Variants in CD226 observed in about 807,000 individuals in gnomAD.
CD226 encodes CD226 molecule, also known as CD226 antigen.
CD226 carries 24 observed loss-of-function variants against 34.9 expected under a neutral mutation model. The ratio of observed to expected loss-of-function variants is 0.69; its 90% CI spans 0.50 to 0.97. The LOEUF (loss-of-function observed/expected upper bound fraction) is 0.97, where lower values mean the gene tolerates loss of function less well. CD226 is among the 50% of genes least tolerant of loss of function. CD226 has a pLI of 0.00. For synonymous variants in CD226, 148 were observed against 147.4 expected (o/e 1.00, Z -0.03); for missense variants, 397 against 412.7 (o/e 0.96, Z 0.33).
chr18:69,900,680 C>A (rs1209003003), intron 2 of CD226, among the ~76,000 whole-genome samples: 7 of 144,060 alleles, frequency 4.9e-5, no homozygotes, highest in Non-Finnish European at 7.5e-5. Flanking sequence ...TGCAGTGAGC[C>A]GAGATTGCGC....
chr18:69,889,922 C>T (rs779045686), intron 3 of CD226, among the ~76,000 whole-genome samples: 21 of 152,006 alleles, frequency 1.4e-4, no homozygotes, highest in Admixed American at 2.0e-4. Flanking sequence ...CAATTATGTG[C>T]CACTTATATT....
At chr18:69,937,411 T>TG (rs1343321869) in intron 2 of CD226, among the ~76,000 whole-genome samples, 1 of 152,222 alleles carries the variant, frequency 6.6e-6, no homozygotes, top group Non-Finnish European at 1.5e-5. Flanking sequence ...TTTTCTGGGT[T>TG]GGCAGTTCAA....
intron 2 of CD226, among the ~76,000 whole-genome samples, chr18:69,900,108 G>T (rs1200400900): frequency 6.6e-6 from 1 of 152,186 alleles, no homozygotes; most frequent in Non-Finnish European, 1.5e-5. Context: ...CCATAAAAAA[G>T]AATGAGATCA....
At chr18:69,879,545 G>T (rs1309411761) in intron 3 of CD226, among the ~76,000 whole-genome samples, 1 of 120,746 alleles carries the variant, frequency 8.3e-6, no homozygotes, top group Admixed American at 8.1e-5. Flanking sequence ...TATCTCCCTT[G>T]TTCTCTGAAA....
chr18:69,885,666 T>A (rs1984516480), intron 3 of CD226, among the ~76,000 whole-genome samples: 1 of 152,138 alleles, frequency 6.6e-6, no homozygotes, highest in Non-Finnish European at 1.5e-5. Flanking sequence ...CAGAGGCTAC[T>A]CCTAAAGTTC....
At chr18:69,874,653 A>C (rs1342405296) in intron 3 of CD226, among the ~76,000 whole-genome samples, 1 of 152,156 alleles carries the variant, frequency 6.6e-6, no homozygotes, top group Non-Finnish European at 1.5e-5. Context: ...TTCCTCAGAA[A>C]ATTTCTTCTC....
intron 2 of CD226, among the ~76,000 whole-genome samples, chr18:69,933,849 CAAT>C (rs1157728016): frequency 6.6e-6 from 1 of 152,142 alleles, no homozygotes; most frequent in Non-Finnish European, 1.5e-5. Flanking sequence ...CAAAGAAACA[CAAT>C]GTGAGTAGTT....
intron 2 of CD226, among the ~76,000 whole-genome samples, chr18:69,924,219 T>C (rs1015577107): frequency 6.6e-6 from 1 of 152,054 alleles, no homozygotes; most frequent in Non-Finnish European, 1.5e-5. Flanking sequence ...ACTTCCATTA[T>C]CTGCATCGTA....
intron 4 of CD226, among the ~76,000 whole-genome samples, chr18:69,871,131 G>A (rs1333550331): frequency 6.6e-6 from 1 of 152,072 alleles, no homozygotes; most frequent in East Asian, 1.9e-4. Flanking sequence ...CAACATCTGT[G>A]ACCCTGTGGA....
chr18:69,905,261 T>C (rs1181097459), intron 2 of CD226, among the ~76,000 whole-genome samples: 2 of 151,424 alleles, frequency 1.3e-5, no homozygotes, highest in Admixed American at 6.6e-5. Flanking sequence ...TGCTCCTAGA[T>C]AGCTTATTTT....
chr18:69,868,161 A>G (rs573889810), intron 4 of CD226, among the ~76,000 whole-genome samples: 1 of 152,372 alleles, frequency 6.6e-6, no homozygotes, highest in Non-Finnish European at 1.5e-5. Flanking sequence ...AGAAGAAGAA[A>G]AGAGGCTACT....
At chr18:69,951,692 A>G (rs1488157839), upstream of CD226, among the ~76,000 whole-genome samples, 1 of 152,262 alleles carries the variant, frequency 6.6e-6, no homozygotes, top group Non-Finnish European at 1.5e-5. Flanking sequence ...AAACTGTAGT[A>G]CACAGCTACA....
chr18:69,932,773 C>T (rs971745234), intron 2 of CD226, among the ~76,000 whole-genome samples: 3 of 152,184 alleles, frequency 2.0e-5, no homozygotes, highest in Non-Finnish European at 4.4e-5. Flanking sequence ...ACTCCACAAC[C>T]CTCCTTCCCA....
intron 2 of CD226, chr18:69,896,307 G>C (rs1442550986): frequency 3.8e-6 from 1 of 262,638 alleles, no homozygotes. Flanking sequence ...TCAGCCTCCT[G>C]AGTAGCTGGG....
intron 2 of CD226, among the ~76,000 whole-genome samples, chr18:69,943,693 G>A (rs1179098114): frequency 6.6e-6 from 1 of 152,122 alleles, no homozygotes; most frequent in Non-Finnish European, 1.5e-5. Flanking sequence ...AACTTTATCT[G>A]CTGGGACATA....
chr18:69,947,174 T>A, intron 1 of CD226, 105 bp from the exon 2 acceptor site: 1 of 1,030,660 alleles, frequency 9.7e-7, no homozygotes, highest in Non-Finnish European at 1.4e-6. Flanking sequence ...CAGTAAAGGC[T>A]GACAGTTTCT....
intron 3 of CD226, among the ~76,000 whole-genome samples, chr18:69,878,449 T>C (rs920515031): frequency 6.6e-6 from 1 of 151,984 alleles, no homozygotes; most frequent in African/African-American, 2.4e-5. Flanking sequence ...AGGCTCATGA[T>C]AGAAATATTG....
chr18:69,867,757 T>C (rs1195519078), intron 4 of CD226, among the ~76,000 whole-genome samples: 2 of 152,214 alleles, frequency 1.3e-5, no homozygotes, highest in African/African-American at 4.8e-5. Context: ...TTTTCCACAA[T>C]TAAAATTTAT....
chr18:69,935,114 G>A (rs1002922228), intron 2 of CD226, among the ~76,000 whole-genome samples: 1 of 152,202 alleles, frequency 6.6e-6, no homozygotes, highest in Non-Finnish European at 1.5e-5. Flanking sequence ...GGAGCTCCAA[G>A]CATCAGTAAA....
Sources: gnomAD v4.1 joint callset for allele counts (sites outside exome capture counted in the v4.1 genomes callset) on GRCh38, gnomAD v4.1.1 for gene constraint, MANE v1.5 for transcripts, NCBI Gene and HGNC (gene_info 2026-07-23, HGNC 2026-07-21) for gene names.